ATP6V0A1: variants seen among roughly 807,000 people sequenced by gnomAD.
The protein encoded by ATP6V0A1 is ATPase H+ transporting V0 subunit a1.
In ATP6V0A1, 43 loss-of-function variants were observed where a neutral mutation model predicts 105.4. The ratio of observed to expected loss-of-function variants is 0.41; its 90% CI spans 0.32 to 0.53. ATP6V0A1 has a LOEUF of 0.53. Among genes scored for constraint, ATP6V0A1 ranks in the 20% least tolerant of loss-of-function variants. The probability of loss-of-function intolerance (pLI) is 0.30; values close to 1 mark genes in which losing one functional copy is unlikely to be tolerated. For missense variants in ATP6V0A1, 676 were observed against 1,051.1 expected, an observed-to-expected ratio of 0.64 and a Z score of 4.93; for synonymous variants, 362 against 372.8, an observed-to-expected ratio of 0.97 and a Z score of 0.33.
chr17:42,520,530 T>C, intron 21 of ATP6V0A1: 1 of 456,772 alleles, frequency 2.2e-6, no homozygotes, highest in Non-Finnish European at 4.4e-6. Flanking sequence ...TCCCCCTCTT[T>C]CCTTGGAATT....
intron 21 of ATP6V0A1, 193 bp from the exon 22 acceptor site, chr17:42,520,834 C>G: frequency 1.7e-6 from 1 of 591,170 alleles, no homozygotes; most frequent in Non-Finnish European, 3.0e-6. Flanking sequence ...CAAATCCCTT[C>G]CTCCGTGCGT....
At chr17:42,467,357 G>T (rs2087227412) in intron 3 of ATP6V0A1, among the ~76,000 whole-genome samples, 1 of 152,118 alleles carries the variant, frequency 6.6e-6, no homozygotes, top group Admixed American at 6.5e-5. Context: ...AAGCCAGGTT[G>T]CTCTCTCTGG....
At position 42,515,202 on chromosome 17, in the gene ATP6V0A1, CA is replaced by C. The variant is rs376850887; in HGVS notation, c.2420+743del. 2.6e-3 allele frequency among the ~76,000 whole-genome samples: 392 copies of C among 152,176 alleles called. 1 individual carries two copies. The highest frequency in any genetic ancestry group is 8.9e-3 in the African/African-American group (371 of 41,514). On this transcript the variant is annotated intron_variant, in intron 21 of 21. Coordinates refer to ENST00000343619, the MANE Select transcript of ATP6V0A1 (RefSeq NM_001130021.3). ...TACAGTTTGGCTGGGCACGGTGGCT[CA>C]TGCCTGTAATCCTAGCACTTTGGGA...
At chr17:42,515,752 T>C (rs1458100859) in intron 21 of ATP6V0A1, among the ~76,000 whole-genome samples, 1 of 151,250 alleles carries the variant, frequency 6.6e-6, no homozygotes, top group East Asian at 2.0e-4. Flanking sequence ...CGCGCCATTG[T>C]ACTCCAGCCT....
chr17:42,487,116 G>C (rs766506009), intron 9 of ATP6V0A1, 39 bp from the exon 10 acceptor site: 1 of 1,602,248 alleles, frequency 6.2e-7, no homozygotes, highest in Non-Finnish European at 8.6e-7. Flanking sequence ...TAAAACTGGT[G>C]TTAAAAGGAT....
In ATP6V0A1 at chr17:42,507,549, G is replaced by C. The variant is rs776253647; in HGVS notation, c.2034G>C (p.Val678=). 3.1e-6 allele frequency: 5 copies of C among 1,613,278 alleles called. No homozygotes were observed. Among genetic ancestry groups the C allele is most frequent in the Non-Finnish European group, 4.2e-6 (5 of 1,179,638 alleles). The change falls in exon 18 of 22, where the codon GTG becomes GTC. Residue 678 remains valine (V), a synonymous_variant. Transcript: ENST00000343619. ...LGTLNFGGIR[V]GNGPTEEDAE... ...CTCTCAACTTTGGTGGGATCAGGGT[G>C]GGCAACGGACCGACAGAGGAGGATG... is the stretch of plus-strand genomic sequence containing the variant.
intron 19 of ATP6V0A1, among the ~76,000 whole-genome samples, chr17:42,512,772 G>A (rs555469499): frequency 6.6e-6 from 1 of 152,314 alleles, no homozygotes; most frequent in African/African-American, 2.4e-5. Context: ...TTTGGGAGTG[G>A]AATCACGTGG....
rs1598814845 is a variant in ATP6V0A1, at chr17:42,480,676, G to A, written c.643G>A (p.Val215Met). 7.4e-6 allele frequency: 12 copies of A among 1,612,728 alleles called. No homozygotes were observed. Among genetic ancestry groups the A allele is most frequent in the South Asian group, 1.1e-5 (1 of 90,762 alleles). ...PLEDPVTGDY[V>M]HKSVFIIFFQ... The stretch of plus-strand genomic sequence containing the variant: ...TTATTCTGGGGCCTAGGGCGACTAC[G>A]TGCACAAGTCTGTGTTTATCATTTT... Residue 215 changes from valine to methionine, a missense_variant, in exon 8 of 22, where the codon GTG (valine) becomes ATG (methionine). Physicochemically the swap from Val to Met is conservative, Grantham distance 21. This residue lies in a region of ATP6V0A1 where 239 missense variants were observed against 388.4 expected (regional missense o/e 0.62). Transcript: ENST00000343619.
At chr17:42,494,247 G>C (rs1274841128) in intron 11 of ATP6V0A1, 87 bp from the exon 12 acceptor site, 1 of 1,358,580 alleles carries the variant, frequency 7.4e-7, no homozygotes, top group East Asian at 2.4e-5. Flanking sequence ...AAAAAAAAGG[G>C]GGGTGGGTAT....
At chr17:42,500,372 C>T (rs1463408394) in intron 15 of ATP6V0A1, among the ~76,000 whole-genome samples, 1 of 152,140 alleles carries the variant, frequency 6.6e-6, no homozygotes, top group Non-Finnish European at 1.5e-5. Context: ...CCCAGCTACT[C>T]GAGAGGCTGA....
intron 9 of ATP6V0A1, among the ~76,000 whole-genome samples, chr17:42,483,958 TC>T (rs2089829158): frequency 6.6e-6 from 1 of 152,242 alleles, no homozygotes; most frequent in Non-Finnish European, 1.5e-5. Context: ...CCTCAAGTGA[TC>T]CACCTGCCTC....
At position 42,460,957 on chromosome 17, in the gene ATP6V0A1, T is replaced by C. The variant is rs1479639804; in HGVS notation, c.63T>C (p.Ala21=). The change falls in exon 2 of 22, where the codon GCT becomes GCC. Residue 21 remains alanine (A), a synonymous_variant. Transcript: ENST00000343619. ...TLAQLFLQSE[A]AYCCVSELGE... The stretch of plus-strand genomic sequence containing the variant: ...CCCAGCTTTTTCTACAGTCAGAGGC[T>C]GCTTATTGTTGTGTCAGTGAATTAG... The C allele has an allele frequency of 6.2e-7, 1 of 1,614,124 alleles. No individual in the cohort carries two copies. Among genetic ancestry groups the C allele is most frequent in the African/African-American group, 1.3e-5 (1 of 75,040 alleles).
At chr17:42,490,377 A>G in intron 10 of ATP6V0A1, 110 bp from the exon 11 acceptor site, 3 of 939,384 alleles carry the variant, frequency 3.2e-6, no homozygotes, top group South Asian at 3.2e-5. Flanking sequence ...AAGAAAATAC[A>G]TACATTTTAT....
intron 21 of ATP6V0A1, among the ~76,000 whole-genome samples, chr17:42,516,569 T>C (rs2092636549): frequency 6.6e-6 from 1 of 152,180 alleles, no homozygotes. Flanking sequence ...TTCTTTTCAC[T>C]CCTGTCTCTT....
intron 8 of ATP6V0A1, 22 bp downstream of exon 8, chr17:42,480,771 C>T (rs2089393159): frequency 1.3e-6 from 2 of 1,598,978 alleles, no homozygotes; most frequent in East Asian, 4.5e-5. Context: ...ATGCCTCTAC[C>T]AGGAGTGCAC....
Position 42,501,018 on chromosome 17 carries a change from T to A in ATP6V0A1, c.1896+95T>A, listed in dbSNP as rs1018043839. Reference sequence around the variant, plus strand: ...CCTAAAAAATTTATAACTGCCCTTCTATGGGACAATTCTAGGGCTTTGCCA... The same window carrying A: ...CCTAAAAAATTTATAACTGCCCTTCAATGGGACAATTCTAGGGCTTTGCCA... On this transcript the variant is annotated intron_variant, in intron 16 of 21. Coordinates refer to ENST00000343619, the MANE Select transcript of ATP6V0A1 (RefSeq NM_001130021.3). 4.5e-6 allele frequency: 6 copies of A among 1,342,432 alleles called. No homozygotes were observed. In the Admixed American group the frequency reaches 5.4e-5, roughly 12 times the overall value. The allele number at this position is 1,342,432 out of a possible 1,614,324, so 83.2% of individuals were successfully genotyped here.
At chr17:42,498,573 A>T (rs1346714833) in intron 14 of ATP6V0A1, among the ~76,000 whole-genome samples, 1 of 152,214 alleles carries the variant, frequency 6.6e-6, no homozygotes, top group Non-Finnish European at 1.5e-5. Context: ...CACGCCTGTA[A>T]TCCCAGCACT....
intron 17 of ATP6V0A1, chr17:42,507,266 C>T: frequency 2.6e-6 from 1 of 386,852 alleles, no homozygotes; most frequent in Non-Finnish European, 4.8e-6. Context: ...TGCCTCTTGG[C>T]ACAGCAGACA....
In ATP6V0A1 at chr17:42,467,704, G is replaced by A. The variant is rs552393753; in HGVS notation, c.197-306G>A. On this transcript the variant is annotated intron_variant, in intron 3 of 21. Coordinates refer to ENST00000343619, the MANE Select transcript of ATP6V0A1 (RefSeq NM_001130021.3). ...ACTGTCATACTTTGGAGTGGCATTC[G>A]CGTATGGAGGAGAGGTGTGGCCTTG... 5.3e-5 allele frequency among the ~76,000 whole-genome samples: 8 copies of A among 152,158 alleles called. No individual in the cohort carries two copies. The South Asian group carries it at 8.3e-4, about 16-fold the overall frequency.
Sources: allele counts gnomAD v4.1 joint callset (sites outside exome capture counted in the v4.1 genomes callset), GRCh38; gene constraint gnomAD v4.1.1; regional missense constraint gnomAD v4.1.1; transcripts MANE v1.5; gene names NCBI Gene and HGNC (gene_info 2026-07-23, HGNC 2026-07-21).